Variants in LIMCH1 observed in about 807,000 individuals in gnomAD.
LIMCH1 encodes the protein LIM and calponin homology domains 1, also known as LIM and calponin homology domains-containing protein 1.
LIMCH1 carries 113 observed loss-of-function variants against 176.5 expected under a neutral mutation model. That is an observed-to-expected ratio of 0.64 (90% confidence interval 0.55 to 0.75). The LOEUF (loss-of-function observed/expected upper bound fraction) is 0.75. Ranked by LOEUF, LIMCH1 falls within the 30% of genes least tolerant of loss-of-function variation. LIMCH1 has a pLI of 0.00. For synonymous variants in LIMCH1, 619 were observed against 645.9 expected (o/e 0.96, Z 0.63); for missense variants, 1,674 against 1,814.9 (o/e 0.92, Z 1.41).
At chr4:41,631,542 GC>G in intron 10 of LIMCH1, 65 bp downstream of exon 10, 1 of 1,314,858 alleles carries the variant, frequency 7.6e-7, no homozygotes. Context: ...TGTAGAGTTT[GC>G]TGAAGCACAT....
At chr4:41,518,280 A>AC (rs1267705308) in intron 2 of LIMCH1, among the ~76,000 whole-genome samples, 2 of 152,192 alleles carry the variant, frequency 1.3e-5, no homozygotes, top group African/African-American at 4.8e-5. Context: ...ATTTTGTAGC[A>AC]CTATTCTTAG....
Position 41,360,807 on chromosome 4 carries a change from A to G in LIMCH1, c.-34A>G. 4.0e-6 allele frequency: 6 copies of G among 1,491,410 alleles called. No individual in the cohort carries two copies. Among genetic ancestry groups the G allele is most frequent in the Non-Finnish European group, 5.4e-6 (6 of 1,114,650 alleles). The allele number at this position is 1,491,410 out of a possible 1,614,324, so 92.4% of individuals were successfully genotyped here. On this transcript the variant is annotated 5_prime_UTR_variant, in exon 1 of 27. Transcript: ENST00000313860. This position sits in a 1 kb window ranked among gnomAD's most constrained non-coding sequence, Gnocchi z 4.5. ...GGCGGCGACGGCGGCGGCCGTCCTCATCCCGGCGCTTGAGAGGACGCGGGG... is the reference window on the plus strand; with the variant it reads ...GGCGGCGACGGCGGCGGCCGTCCTCGTCCCGGCGCTTGAGAGGACGCGGGG...
chr4:41,499,775 G>A (rs937921320), intron 2 of LIMCH1, among the ~76,000 whole-genome samples: 2 of 152,106 alleles, frequency 1.3e-5, no homozygotes, highest in African/African-American at 4.8e-5. Context: ...CTGAGATTGT[G>A]CCACTGCACT....
chr4:41,499,757 G>A (rs2072906951), intron 2 of LIMCH1, among the ~76,000 whole-genome samples: 1 of 152,154 alleles, frequency 6.6e-6, no homozygotes, highest in African/African-American at 2.4e-5. Context: ...GGCGGAGATT[G>A]CAGTGAGCTG....
intron 1 of LIMCH1, among the ~76,000 whole-genome samples, chr4:41,455,666 G>A (rs146539170): frequency 6.6e-6 from 1 of 152,172 alleles, no homozygotes; most frequent in Non-Finnish European, 1.5e-5. Context: ...TAAAACAGCT[G>A]TATGGCAAAC....
chr4:41,583,250 A>C (rs1370396003), intron 1 of LIMCH1, among the ~76,000 whole-genome samples: 1 of 152,172 alleles, frequency 6.6e-6, no homozygotes, highest in African/African-American at 2.4e-5. Context: ...AACCCTGTCT[A>C]TATCTTCCCA....
intron 20 of LIMCH1, 23 bp from the exon 21 acceptor site, chr4:41,666,538 T>A (rs572529724): frequency 6.7e-7 from 1 of 1,490,420 alleles, no homozygotes; most frequent in Admixed American, 1.7e-5. Context: ...TTGCAATATT[T>A]ATACCTGTTT....
intron 8 of LIMCH1, among the ~76,000 whole-genome samples, chr4:41,628,886 T>C (rs73810290): frequency 8.8e-4 from 134 of 152,360 alleles, no homozygotes; most frequent in African/African-American, 3.0e-3. Context: ...TTTTCAAGTT[T>C]GCATTAGCCA....
intron 1 of LIMCH1, among the ~76,000 whole-genome samples, chr4:41,431,359 C>G (rs889513998): frequency 6.6e-6 from 1 of 152,292 alleles, no homozygotes; most frequent in Admixed American, 6.5e-5. Context: ...ATTGCTTTAT[C>G]TCTTTAATTC....
intron 1 of LIMCH1, among the ~76,000 whole-genome samples, chr4:41,479,501 T>C (rs1261773460): frequency 6.6e-6 from 1 of 152,158 alleles, no homozygotes; most frequent in Non-Finnish European, 1.5e-5. Context: ...ATTCTTTCAC[T>C]TCAGCCTTTC....
chr4:41,547,863 G>GTATATATA (rs573342962), intron 1 of LIMCH1, among the ~76,000 whole-genome samples: 4,517 of 93,022 alleles, frequency 0.049, 139 homozygotes, highest in East Asian at 0.07. Flanking sequence ...TTGTGTGTGT[G>GTATATATA]TATATATATA....
rs1472611223 is a variant in LIMCH1 at position 41,697,888 on chromosome 4, A to G, written c.*703A>G. 1 of 152,228 alleles carries G rather than the reference A, an allele frequency of 6.6e-6. No individual in the cohort carries two copies. The allele number at this position is 152,228 out of a possible 1,614,324, so 9.4% of individuals were successfully genotyped here. ...AAATAAAGCAAAACCTTGCAATATC[A>G]GCTAGATTTACACTCCGGGACGTTG... On this transcript the variant is annotated 3_prime_UTR_variant, in exon 32 of 32. Coordinates refer to ENST00000503057, the MANE Select transcript of LIMCH1 (RefSeq NM_001330672.2).
At chr4:41,549,645 C>G (rs2080103086) in intron 1 of LIMCH1, among the ~76,000 whole-genome samples, 1 of 152,086 alleles carries the variant, frequency 6.6e-6, no homozygotes, top group Non-Finnish European at 1.5e-5. Flanking sequence ...GGGGATCAAA[C>G]CTAAGTCTGG....
At chr4:41,653,560 A>G (rs1450239376) in intron 18 of LIMCH1, among the ~76,000 whole-genome samples, 4 of 152,194 alleles carry the variant, frequency 2.6e-5, no homozygotes, top group Admixed American at 6.5e-5. Context: ...TACACTCTCT[A>G]CAGAGGAGTA....
At chr4:41,481,009 A>C (rs2068514201) in intron 1 of LIMCH1, among the ~76,000 whole-genome samples, 1 of 151,464 alleles carries the variant, frequency 6.6e-6, no homozygotes, top group Non-Finnish European at 1.5e-5. Context: ...CATCGGCTGT[A>C]TTCTTAATTA....
At chr4:41,398,108 TA>T (rs1287478308) in intron 1 of LIMCH1, among the ~76,000 whole-genome samples, 2 of 149,758 alleles carry the variant, frequency 1.3e-5, no homozygotes, top group African/African-American at 2.4e-5. Flanking sequence ...TACTTTAAAT[TA>T]AAAAAAAAGA....
At position 41,631,148 on chromosome 4, in the gene LIMCH1, G is replaced by A; in HGVS notation, c.1272G>A (p.Arg424=). 2 of 1,521,758 alleles carry A rather than the reference G, an allele frequency of 1.3e-6. No homozygotes were observed. The highest frequency in any genetic ancestry group is 2.5e-5 in the East Asian group (1 of 40,772). 94.3% of individuals were successfully genotyped at this position (1,521,758 alleles called of 1,614,324 possible). ...AGAACTTATTTCTGGTTTTGACTAG[G>A]GATGGAGATGTTCAGCACATCTGTG... is the stretch of plus-strand genomic sequence containing the variant. ...WERLKVSEKA[R]DGDVQHICAS... Residue 424 remains arginine (R), a splice_region_variant and synonymous_variant, in exon 10 of 32, where the codon AGG becomes AGA. Coordinates refer to ENST00000503057, the MANE Select transcript of LIMCH1 (RefSeq NM_001330672.2).
chr4:41,578,660 A>C (rs549621940), intron 1 of LIMCH1, among the ~76,000 whole-genome samples: 29 of 151,910 alleles, frequency 1.9e-4, no homozygotes, highest in African/African-American at 6.5e-4. Flanking sequence ...ATTTCCCCCC[A>C]CACATTTATT....
At chr4:41,541,868 A>G (rs1305446832) in intron 1 of LIMCH1, among the ~76,000 whole-genome samples, 3 of 152,154 alleles carry the variant, frequency 2.0e-5, no homozygotes. Flanking sequence ...TGACTTTGGT[A>G]AACAGCCCCT....
Sources: gnomAD v4.1 joint callset for allele counts (sites outside exome capture counted in the v4.1 genomes callset) on GRCh38, gnomAD v4.1.1 for gene constraint, Gnocchi (gnomAD v3.1) non-coding constraint, MANE v1.5 for transcripts, NCBI Gene and HGNC (gene_info 2026-07-23, HGNC 2026-07-21) for gene names.